The following PBLD variants were observed in gnomAD, a reference collection of about 807,000 sequenced individuals.
PBLD encodes phenazine biosynthesis like protein domain containing.
PBLD carries 26 observed loss-of-function variants against 31.3 expected under a neutral mutation model. That is an observed-to-expected ratio of 0.83 (90% confidence interval 0.61 to 1.15). The LOEUF (loss-of-function observed/expected upper bound fraction) is 1.15. PBLD is among the 50% of genes most tolerant of loss of function. The pLI, the probability that PBLD is intolerant of heterozygous loss-of-function variation, is 0.00. For missense variants in PBLD, 307 were observed against 351.7 expected (o/e 0.87, Z 1.02); for synonymous variants, 114 against 129.0 (o/e 0.88, Z 0.79).
intron 6 of PBLD, among the ~76,000 whole-genome samples, 197 bp from the exon 7 acceptor site, chr10:68,289,216 G>A (rs2044326042): frequency 6.6e-6 from 1 of 152,080 alleles, no homozygotes; most frequent in South Asian, 2.1e-4. Flanking sequence ...CTACCAAAGA[G>A]GCCTCTGTGA....
At chr10:68,323,641 T>C (rs1241131150) in intron 1 of PBLD, among the ~76,000 whole-genome samples, 1 of 152,168 alleles carries the variant, frequency 6.6e-6, no homozygotes, top group African/African-American at 2.4e-5. Context: ...AATTATGAAA[T>C]AATAAAAGTT....
In PBLD at chr10:68,319,046, A is replaced by AG. The variant is rs1491103539; in HGVS notation, c.-59-12144_-59-12143insC. Reference sequence around the variant, plus strand: ...GGGAGAGAGAAGGAAAGAAAGAAAGAAAGAGAGAGAAAGAAAGAAAGAAAG... The same window carrying AG: ...GGGAGAGAGAAGGAAAGAAAGAAAGAGAAGAGAGAGAAAGAAAGAAAGAAAG... On this transcript the variant is annotated intron_variant, in intron 1 of 9. Coordinates refer to ENST00000358769, the MANE Select transcript of PBLD (RefSeq NM_022129.4). Among the ~76,000 whole-genome samples the AG allele has an allele frequency of 2.4e-4, 28 of 117,778 alleles. 2 individuals are homozygous for AG. Among genetic ancestry groups the AG allele is most frequent in the South Asian group, 2.1e-3 (6 of 2,858 alleles). The allele number at this position is 117,778 out of a possible 152,430, so 77.3% of individuals were successfully genotyped here.
rs779949932 is a variant in PBLD at position 68,285,365 on chromosome 10, C to G, written c.737G>C (p.Gly246Ala). Reference protein sequence around the residue: ...VLSSYWSQHLGKKEMHAFQCS... With the variant: ...VLSSYWSQHLAKKEMHAFQCS... ...TGTCCTACCATGCATTTCTTTCTTC[C>G]CCAGATGCTGGGACCAGTAGCTGCT... Residue 246 changes from glycine (G) to alanine (A), a missense_variant, in exon 9 of 10, where the codon GGG becomes GCG. Physicochemically the swap from Gly to Ala is moderately conservative, Grantham distance 60. Coordinates refer to ENST00000358769, the MANE Select transcript of PBLD (RefSeq NM_022129.4). 1 of 1,613,974 alleles carries G rather than the reference C, an allele frequency of 6.2e-7. No homozygotes were observed. Among genetic ancestry groups the G allele is most frequent in the African/African-American group, 1.3e-5 (1 of 75,026 alleles).
chr10:68,302,585 C>G (rs1015906529), intron 2 of PBLD, among the ~76,000 whole-genome samples: 1 of 152,124 alleles, frequency 6.6e-6, no homozygotes, highest in African/African-American at 2.4e-5. Flanking sequence ...TGCAGTGGCT[C>G]TTGTCCAAGC....
chr10:68,332,475 C>T (rs1370189411), intron 1 of PBLD, among the ~76,000 whole-genome samples: 1 of 152,222 alleles, frequency 6.6e-6, no homozygotes, highest in African/African-American at 2.4e-5. Context: ...AGCATTTTCC[C>T]CTTTCCCTGC....
At chr10:68,285,202 A>G in intron 9 of PBLD, 146 bp downstream of exon 9, 1 of 1,502,624 alleles carries the variant, frequency 6.7e-7, no homozygotes, top group South Asian at 1.3e-5. Context: ...GAGGATCTTT[A>G]AGGGTGAAGG....
rs1283336134 is a variant in PBLD, at chr10:68,292,114, T to C, written c.393+15A>G. The C allele has an allele frequency of 6.2e-7, 1 of 1,609,710 alleles. No homozygotes were observed. The highest frequency in any genetic ancestry group is 8.5e-7 in the Non-Finnish European group (1 of 1,176,520). On this transcript the variant is annotated intron_variant, in intron 5 of 9. Transcript: ENST00000358769. Reference sequence around the variant, plus strand: ...GGTTGTAGATGGCTTAGGGCAATAATTACAAAGAGCTGACCTGGGGGTGGG... The same window carrying C: ...GGTTGTAGATGGCTTAGGGCAATAACTACAAAGAGCTGACCTGGGGGTGGG...
rs929346533 is a variant in PBLD, at chr10:68,303,322, G to A, written c.84+3439C>T. Among the ~76,000 whole-genome samples the A allele has an allele frequency of 2.6e-5, 4 of 151,990 alleles. No individual in the cohort carries two copies. In the South Asian group the frequency reaches 8.3e-4, roughly 32 times the overall value. On this transcript the variant is annotated intron_variant, in intron 2 of 9. Coordinates refer to ENST00000358769, the MANE Select transcript of PBLD (RefSeq NM_022129.4). ...GGTGGTCTCAAACTCCTGACCTCAG[G>A]TGATCTGCCTGCCTCGGCCTCCCAA...
chr10:68,306,931 A>C (rs1385428913), intron 1 of PBLD, 28 bp from the exon 2 acceptor site: 1 of 1,056,184 alleles, frequency 9.5e-7, no homozygotes, highest in East Asian at 2.5e-5. Flanking sequence ...TCAAAAAGTT[A>C]ATGTTTTACT....
chr10:68,306,328 G>A (rs1485778626), intron 2 of PBLD, among the ~76,000 whole-genome samples: 2 of 151,938 alleles, frequency 1.3e-5, no homozygotes, highest in African/African-American at 4.8e-5. Context: ...TCATTTTCTT[G>A]ATCCTGAAAA....
chr10:68,292,362 G>A (rs1443635788), intron 4 of PBLD, 124 bp from the exon 5 acceptor site: 23 of 806,246 alleles, frequency 2.9e-5, no homozygotes, highest in Middle Eastern at 2.5e-4. Context: ...GATGGAGCGA[G>A]GTTTGGGTTG....
intron 2 of PBLD, among the ~76,000 whole-genome samples, chr10:68,299,106 CA>C (rs35915509): frequency 1.6e-4 from 13 of 78,998 alleles, no homozygotes; most frequent in African/African-American, 6.2e-4. Context: ...GAGTCCGTCT[CA>C]AAAAAAAAAA....
chr10:68,312,358 T>C (rs4746761), intron 1 of PBLD, among the ~76,000 whole-genome samples: 148,009 of 152,246 alleles, frequency 0.97, 72,096 homozygotes, highest in Middle Eastern at 1. Flanking sequence ...TATCTTGTGT[T>C]TTTTTTTATA....
intron 2 of PBLD, among the ~76,000 whole-genome samples, chr10:68,301,078 TA>T (rs1207952706): frequency 6.6e-6 from 1 of 152,082 alleles, no homozygotes; most frequent in African/African-American, 2.4e-5. Context: ...TGTATTTTAT[TA>T]GAGATGAGGT....
intron 1 of PBLD, among the ~76,000 whole-genome samples, chr10:68,319,221 A>AC (rs960230218): frequency 2.3e-4 from 35 of 152,246 alleles, no homozygotes; most frequent in African/African-American, 8.4e-4. Context: ...ATATCAAGTT[A>AC]CCATAAAAGA....
intron 2 of PBLD, among the ~76,000 whole-genome samples, chr10:68,305,552 G>A (rs932584248): frequency 3.3e-5 from 5 of 151,994 alleles, no homozygotes; most frequent in African/African-American, 4.8e-5. Context: ...TCAGGAGTTC[G>A]AGACCAGCCT....
intron 1 of PBLD, among the ~76,000 whole-genome samples, chr10:68,319,114 A>AAGGG (rs59508780): frequency 7.9e-6 from 1 of 126,106 alleles, no homozygotes; most frequent in African/African-American, 3.0e-5. Context: ...AAAGAAAGGA[A>AAGGG]AAAGAAAGAA....
chr10:68,289,855 C>G (rs574251358), intron 6 of PBLD, among the ~76,000 whole-genome samples: 1 of 152,078 alleles, frequency 6.6e-6, no homozygotes, highest in Non-Finnish European at 1.5e-5. Context: ...ACGTTCCACA[C>G]GGCAAGCACT....
At chr10:68,328,837 C>T (rs2044966606) in intron 1 of PBLD, among the ~76,000 whole-genome samples, 1 of 151,898 alleles carries the variant, frequency 6.6e-6, no homozygotes, top group Non-Finnish European at 1.5e-5. Context: ...AAATAGGAAG[C>T]CAAATAAAAT....
Sources: gnomAD v4.1 joint callset for allele counts (sites outside exome capture counted in the v4.1 genomes callset) on GRCh38, gnomAD v4.1.1 for gene constraint, MANE v1.5 for transcripts, NCBI Gene and HGNC (gene_info 2026-07-23, HGNC 2026-07-21) for gene names.